The following ZNF768 variants were observed in gnomAD, a reference collection of about 807,000 sequenced individuals.
The protein encoded by ZNF768 is zinc finger protein 768.
In ZNF768, 12 loss-of-function variants were observed where a neutral mutation model predicts 39.7. The observed-to-expected ratio is 0.30, with a 90% CI of 0.19 to 0.49. ZNF768 has a LOEUF of 0.49. ZNF768 is among the 20% of genes least tolerant of loss of function. The pLI, the probability that ZNF768 is intolerant of heterozygous loss-of-function variation, is 0.99. For missense variants in ZNF768, 613 were observed against 723.2 expected (o/e 0.85, Z 1.75); for synonymous variants, 360 against 288.4 (o/e 1.25, Z -2.52).
upstream of ZNF768, among the ~76,000 whole-genome samples, chr16:30,529,823 T>G (rs2051354746): frequency 7.1e-6 from 1 of 140,798 alleles, no homozygotes; most frequent in Admixed American, 6.9e-5. Context: ...AGTAGCTAGT[T>G]TTTTTTTTTT....
chr16:30,524,914 C>G lies in ZNF768; in HGVS notation c.1226G>C (p.Ser409Thr). Reference protein sequence around the residue: ...RPFSCGICGKSFSQRSALIPH... With the variant: ...RPFSCGICGKTFSQRSALIPH... ...GATAAGGGCCGACCGCTGGGAGAAG[C>G]TCTTGCCGCAGATGCCACAGCTGAA... is the stretch of plus-strand genomic sequence containing the variant. Residue 409 changes from serine to threonine, a missense_variant, in exon 2 of 2, where the codon AGC becomes ACC. By Grantham distance (58) the Ser-to-Thr change is moderately conservative. Transcript: ENST00000380412. 1 of 1,613,328 alleles carries G rather than the reference C, an allele frequency of 6.2e-7. No individual in the cohort carries two copies. Among genetic ancestry groups the G allele is most frequent in the South Asian group, 1.1e-5 (1 of 91,086 alleles).
chr16:30,526,172 A>C (rs1055534209), intron 1 of ZNF768, 121 bp from the exon 2 acceptor site: 94 of 1,498,992 alleles, frequency 6.3e-5, no homozygotes, highest in Admixed American at 2.5e-4. Context: ...TGAAATTCCC[A>C]CGCCCCCCTC....
chr16:30,532,443 G>A, the ZNF768 span: 2 of 1,543,270 alleles, frequency 1.3e-6, no homozygotes, highest in Non-Finnish European at 1.7e-6. Flanking sequence ...AGAGGTTCGG[G>A]CCCCTGAGCC....
In ZNF768 at chr16:30,526,382, T is replaced by G; in HGVS notation, c.32A>C (p.Glu11Ala). The change falls in exon 1 of 2, where the codon GAG (glutamate) becomes GCG (alanine). Residue 11 changes from glutamate to alanine, a missense_variant. Transcript: ENST00000380412. MEREALPWGL[E>A]PQDVQSSDEM... ...GTCAGAACTCTGCACATCCTGGGGC[T>G]CGAGGCCCCACGGCAACGCCTCCCG... The G allele has an allele frequency of 1.3e-6, 2 of 1,600,002 alleles. No individual in the cohort carries two copies. Among genetic ancestry groups the G allele is most frequent in the Non-Finnish European group, 1.7e-6 (2 of 1,174,496 alleles).
rs1044083287 is a variant in ZNF768 at position 30,524,323 on chromosome 16, C to T, written c.*194G>A. 7 of 923,052 alleles carry T rather than the reference C, an allele frequency of 7.6e-6. No homozygotes were observed. The highest frequency in any genetic ancestry group is 1.1e-5 in the Non-Finnish European group (7 of 643,840). 57.2% of individuals were successfully genotyped at this position (923,052 alleles called of 1,614,324 possible). A position where few individuals can be genotyped will look rare whatever the true frequency, so the allele number is the denominator to read the frequency against. ...CATTTCTCCCAGGGCCTCCCGCTGC[C>T]GGCCTGGCCTCCCTCCAACCCACTT... On this transcript the variant is annotated 3_prime_UTR_variant, in exon 2 of 2. Coordinates refer to ENST00000380412, the MANE Select transcript of ZNF768 (RefSeq NM_024671.4).
chr16:30,528,624 T>G (rs532126502), upstream of ZNF768, among the ~76,000 whole-genome samples: 2 of 152,320 alleles, frequency 1.3e-5, no homozygotes, highest in South Asian at 4.1e-4. Context: ...GGGAAAACTT[T>G]CTGCCCTCCA....
At position 30,525,636 on chromosome 16, in the gene ZNF768, G is replaced by C; in HGVS notation, c.504C>G (p.Ser168=). 6 of 1,614,214 alleles carry C rather than the reference G, an allele frequency of 3.7e-6. No homozygotes were observed. Among genetic ancestry groups the C allele is most frequent in the Non-Finnish European group, 5.1e-6 (6 of 1,180,028 alleles). The stretch of plus-strand genomic sequence containing the variant: ...GCATCTCCGCACCTTCCTGGAATTT[G>C]GAACTTTGAGCTTCAAATTCTGGGC... ...TQSPEFEAQS[S]KFQEGAEMLL... is the part of the protein sequence containing the mutation. The change falls in exon 2 of 2, where the codon TCC becomes TCG. Residue 168 remains serine, a synonymous_variant. Coordinates refer to ENST00000380412, the MANE Select transcript of ZNF768 (RefSeq NM_024671.4).
At chr16:30,527,922 A>T (rs1363669279), upstream of ZNF768, 1 of 152,266 alleles carries the variant, frequency 6.6e-6, no homozygotes, top group African/African-American at 2.4e-5. Flanking sequence ...TCTGACTCGA[A>T]TGGAGTCTTG....
chr16:30,530,846 G>T (rs915524227), upstream of ZNF768: 3 of 152,400 alleles, frequency 2.0e-5, no homozygotes, highest in African/African-American at 7.2e-5. The surrounding 1 kb of genome is among the most constrained non-coding windows in gnomAD (Gnocchi z 4.4). Flanking sequence ...CCTTGGGCAG[G>T]TGTTGTCCTG....
At chr16:30,526,631 T>C, upstream of ZNF768, 1 of 951,530 alleles carries the variant, frequency 1.1e-6, no homozygotes, top group Middle Eastern at 5.3e-4. Flanking sequence ...CCTCCCAAGG[T>C]CTCGGCCTCC....
At chr16:30,526,825 C>A (rs1344614974), upstream of ZNF768, 11 of 640,368 alleles carry the variant, frequency 1.7e-5, no homozygotes, top group Non-Finnish European at 1.9e-5. Context: ...AGGAAGTGTC[C>A]GTCCGCGGCC....
chr16:30,530,071 C>T (rs545547827), upstream of ZNF768, among the ~76,000 whole-genome samples: 8 of 152,056 alleles, frequency 5.3e-5, no homozygotes, highest in South Asian at 8.3e-4. This position sits in a 1 kb window ranked among gnomAD's most constrained non-coding sequence, Gnocchi z 4.4. Context: ...CCTTGCGATC[C>T]GCCCGCCTCA....
At position 30,526,430 on chromosome 16, in the gene ZNF768, T is replaced by A; in HGVS notation, c.-17A>T. ...CCGCTCCATCCCCGCGGGCTCCCAG[T>A]GCAGCGGCGGCGGCGATGGCGGCCG... On this transcript the variant is annotated 5_prime_UTR_variant, in exon 1 of 2. Coordinates refer to ENST00000380412, the MANE Select transcript of ZNF768 (RefSeq NM_024671.4). 6.5e-7 allele frequency: 1 copy of A among 1,538,776 alleles called. No individual in the cohort carries two copies. Among genetic ancestry groups the A allele is most frequent in the Non-Finnish European group, 8.7e-7 (1 of 1,144,986 alleles).
In ZNF768 at chr16:30,526,318, C is replaced by T. The variant is rs1490607088; in HGVS notation, c.88+8G>A. 8 of 1,608,854 alleles carry T rather than the reference C, an allele frequency of 5.0e-6. No individual in the cohort carries two copies. The highest frequency in any genetic ancestry group is 6.8e-6 in the Non-Finnish European group (8 of 1,177,918). Reference sequence around the variant, plus strand: ...AGTCCACTCCTCGGACGGGCGCTCCCTCCTCACCTCTGAGGTACCCTTCGG... The same window carrying T: ...AGTCCACTCCTCGGACGGGCGCTCCTTCCTCACCTCTGAGGTACCCTTCGG... On this transcript the variant is annotated splice_region_variant and intron_variant, in intron 1 of 1. Transcript: ENST00000380412.
chr16:30,524,440 A>G lies in ZNF768; in HGVS notation c.*77T>C. 1 of 1,513,896 alleles carries G rather than the reference A, an allele frequency of 6.6e-7. No individual in the cohort carries two copies. Among genetic ancestry groups the G allele is most frequent in the Non-Finnish European group, 8.8e-7 (1 of 1,141,004 alleles). The allele number at this position is 1,513,896 out of a possible 1,614,324, so 93.8% of individuals were successfully genotyped here. A position where few individuals can be genotyped will look rare whatever the true frequency, so the allele number is the denominator to read the frequency against. Reference sequence around the variant, plus strand: ...TCCATTCTCCTGCGGCTTCTCCACTATCCTCCCTAAAGGTTCCTCTAGCTC... The same window carrying G: ...TCCATTCTCCTGCGGCTTCTCCACTGTCCTCCCTAAAGGTTCCTCTAGCTC... On this transcript the variant is annotated 3_prime_UTR_variant, in exon 2 of 2. Transcript: ENST00000380412.
At position 30,526,354 on chromosome 16, in the gene ZNF768, T is replaced by C. The variant is rs1405302869; in HGVS notation, c.60A>G (p.Glu20=). 2 of 1,608,420 alleles carry C rather than the reference T, an allele frequency of 1.2e-6. No individual in the cohort carries two copies. Among genetic ancestry groups the C allele is most frequent in the Non-Finnish European group, 1.7e-6 (2 of 1,177,878 alleles). Residue 20 remains glutamate, a synonymous_variant, in exon 1 of 2, where the codon GAA becomes GAG. Transcript: ENST00000380412. ...LEPQDVQSSD[E]MRSPEGYLRG... ...TGAGGTACCCTTCGGGGCTCCTCAT[T>C]TCGTCAGAACTCTGCACATCCTGGG...
chr16:30,524,928 G>A lies in ZNF768; in HGVS notation c.1212C>T (p.Gly404=), dbSNP rs754290717. 19 of 1,613,414 alleles carry A rather than the reference G, an allele frequency of 1.2e-5. No individual in the cohort carries two copies. Among genetic ancestry groups the A allele is most frequent in the East Asian group, 4.5e-5 (2 of 44,886 alleles). Residue 404 remains glycine, a synonymous_variant, in exon 2 of 2, where the codon GGC becomes GGT. Transcript: ENST00000380412. ...VHTGQRPFSC[G]ICGKSFSQRS... ...GCTGGGAGAAGCTCTTGCCGCAGAT[G>A]CCACAGCTGAAGGGCCTCTGACCGG... is the stretch of plus-strand genomic sequence containing the variant.
Position 30,526,018 on chromosome 16 carries a change from G to A in ZNF768, c.122C>T (p.Ser41Phe), listed in dbSNP as rs1243079733. The A allele has an allele frequency of 2.0e-6, 3 of 1,496,574 alleles. No individual in the cohort carries two copies. Among genetic ancestry groups the A allele is most frequent in the Non-Finnish European group, 2.7e-6 (3 of 1,126,242 alleles). 92.7% of individuals were successfully genotyped at this position (1,496,574 alleles called of 1,614,324 possible). Residue 41 changes from serine to phenylalanine, a missense_variant, in exon 2 of 2, where the codon TCT becomes TTT. Transcript: ENST00000380412. ...NMSENEEEEI[S>F]QQEGSGDYEV... The stretch of plus-strand genomic sequence containing the variant: ...ATAGTCCCCACTGCCTTCTTGCTGA[G>A]AAATTTCCTCTTCCTCATTCTCACT...
chr16:30,525,786 G>A lies in ZNF768; in HGVS notation c.354C>T (p.Ser118=), dbSNP rs778117750. 1 of 1,565,854 alleles carries A rather than the reference G, an allele frequency of 6.4e-7. No homozygotes were observed. Among genetic ancestry groups the A allele is most frequent in the Non-Finnish European group, 8.6e-7 (1 of 1,160,658 alleles). Residue 118 remains serine, a synonymous_variant, in exon 2 of 2, where the codon AGC becomes AGT. Transcript: ENST00000380412. ...DSQSPEFESQ[S]PRYEPQSPGY... ...CAGGGCTTTGGGGTTCATACCTAGG[G>A]CTCTGGGATTCAAACTCAGGGCTCT...
Sources: allele counts gnomAD v4.1 joint callset (sites outside exome capture counted in the v4.1 genomes callset), GRCh38; gene constraint gnomAD v4.1.1; non-coding constraint Gnocchi (gnomAD v3.1); transcripts MANE v1.5; gene names NCBI Gene and HGNC (gene_info 2026-07-23, HGNC 2026-07-21).